Variants in CTNNA2 observed in about 807,000 individuals in gnomAD.
CTNNA2 encodes catenin alpha 2, also known as catenin alpha-2.
A neutral mutation model predicts 101.0 loss-of-function variants in CTNNA2; 42 were observed. The observed-to-expected ratio is 0.42, with a 90% CI of 0.32 to 0.54. CTNNA2 has a LOEUF of 0.54. Among genes scored for constraint, CTNNA2 ranks in the 20% least tolerant of loss-of-function variants. The probability of loss-of-function intolerance (pLI) is 0.14; values close to 1 mark genes in which losing one functional copy is unlikely to be tolerated. For synonymous variants in CTNNA2, 450 were observed against 456.4 expected, an observed-to-expected ratio of 0.99 and a Z score of 0.18; for missense variants, 871 against 1,223.1, an observed-to-expected ratio of 0.71 and a Z score of 4.29.
At chr2:79,463,534 G>A (rs1265975061) in intron 4 of CTNNA2, among the ~76,000 whole-genome samples, 1 of 152,102 alleles carries the variant, frequency 6.6e-6, no homozygotes. Context: ...AACTTCTGCT[G>A]GGAGGGCAGC....
chr2:79,890,500 A>G (rs1684226374), intron 6 of CTNNA2, among the ~76,000 whole-genome samples: 1 of 152,086 alleles, frequency 6.6e-6, no homozygotes, highest in South Asian at 2.1e-4. Flanking sequence ...CTATGAAAGG[A>G]CCAGGAAAAC....
chr2:79,966,593 C>T (rs1428016423), intron 7 of CTNNA2, among the ~76,000 whole-genome samples: 2 of 151,978 alleles, frequency 1.3e-5, no homozygotes, highest in Admixed American at 1.3e-4. Flanking sequence ...GGGGCAAGAG[C>T]ATACCTGTGA....
intron 7 of CTNNA2, among the ~76,000 whole-genome samples, chr2:79,923,151 T>C (rs1265280718): frequency 6.6e-6 from 1 of 151,920 alleles, no homozygotes; most frequent in Non-Finnish European, 1.5e-5. Flanking sequence ...TTGTCAGGAG[T>C]AGGTGTTAAT....
intron 7 of CTNNA2, among the ~76,000 whole-genome samples, chr2:80,008,316 G>A (rs1208479095): frequency 6.6e-6 from 1 of 152,188 alleles, no homozygotes; most frequent in Non-Finnish European, 1.5e-5. Context: ...CTCTTAAGGA[G>A]GATTTGGGAG....
chr2:79,358,605 C>T (rs1387071403), intron 3 of CTNNA2, among the ~76,000 whole-genome samples: 2 of 152,156 alleles, frequency 1.3e-5, no homozygotes, highest in Non-Finnish European at 2.9e-5. Context: ...AAAAGGAGGA[C>T]ATACCACATA....
intron 7 of CTNNA2, among the ~76,000 whole-genome samples, chr2:80,151,660 T>C (rs1052025935): frequency 2.0e-5 from 3 of 152,174 alleles, no homozygotes; most frequent in African/African-American, 7.2e-5. Flanking sequence ...TAAGCCCACA[T>C]AGCCGTGCCA....
intron 2 of CTNNA2, among the ~76,000 whole-genome samples, chr2:79,226,999 A>T (rs960050144): frequency 5.9e-5 from 9 of 152,304 alleles, no homozygotes; most frequent in Non-Finnish European, 8.8e-5. Context: ...TCCAAAAAAA[A>T]AAATCAAGCC....
chr2:80,375,440 T>C (rs1254501039), intron 7 of CTNNA2, among the ~76,000 whole-genome samples: 1 of 152,162 alleles, frequency 6.6e-6, no homozygotes, highest in Non-Finnish European at 1.5e-5. Context: ...GGCACCAGTC[T>C]GGCTTCTGTA....
intron 2 of CTNNA2, among the ~76,000 whole-genome samples, chr2:79,248,087 C>T (rs1003381989): frequency 1.1e-4 from 16 of 152,156 alleles, no homozygotes; most frequent in African/African-American, 3.9e-4. Flanking sequence ...TTTGTCAGAG[C>T]CTGTATTTAT....
intron 7 of CTNNA2, among the ~76,000 whole-genome samples, chr2:79,941,739 C>T (rs555686953): frequency 5.2e-4 from 79 of 152,246 alleles, no homozygotes; most frequent in Middle Eastern, 3.4e-3. Flanking sequence ...CTGTGTCAGC[C>T]TCCTAAGTAG....
intron 3 of CTNNA2, among the ~76,000 whole-genome samples, chr2:79,338,442 A>G (rs549467269): frequency 6.6e-6 from 1 of 152,184 alleles, no homozygotes; most frequent in South Asian, 2.1e-4. Flanking sequence ...AGGGAATGAA[A>G]AAGAGAACTA....
At chr2:80,107,738 C>T (rs1700979161) in intron 7 of CTNNA2, among the ~76,000 whole-genome samples, 1 of 152,242 alleles carries the variant, frequency 6.6e-6, no homozygotes, top group Non-Finnish European at 1.5e-5. Flanking sequence ...TAACACACTA[C>T]TGTCCATGGA....
intron 6 of CTNNA2, among the ~76,000 whole-genome samples, chr2:79,893,942 A>C (rs1030015265): frequency 6.6e-6 from 1 of 151,996 alleles, no homozygotes; most frequent in African/African-American, 2.4e-5. Flanking sequence ...GTATCTGAAA[A>C]ATTCTCTAAC....
At chr2:79,381,924 A>G (rs1395397472) in intron 4 of CTNNA2, among the ~76,000 whole-genome samples, 1 of 152,218 alleles carries the variant, frequency 6.6e-6, no homozygotes, top group Non-Finnish European at 1.5e-5. Flanking sequence ...TGACTGCGTG[A>G]TTGCTAATTT....
chr2:79,524,132 G>A (rs968394211), intron 1 of CTNNA2, among the ~76,000 whole-genome samples: 2 of 151,932 alleles, frequency 1.3e-5, no homozygotes, highest in Non-Finnish European at 2.9e-5. Context: ...AAACAACACT[G>A]TATTTTAGTT....
intron 16 of CTNNA2, among the ~76,000 whole-genome samples, chr2:80,606,317 A>C (rs1182073022): frequency 6.6e-6 from 1 of 151,232 alleles, no homozygotes; most frequent in Non-Finnish European, 1.5e-5. Flanking sequence ...ATTTTCAACT[A>C]TGCAACCTAA....
At position 79,954,320 on chromosome 2, in the gene CTNNA2, G is replaced by A. The variant is rs1166191904; in HGVS notation, c.1056+44523G>A. Among the ~76,000 whole-genome samples, 3 of 151,998 alleles carry A rather than the reference G, an allele frequency of 2.0e-5. No homozygotes were observed. The East Asian group carries it at 5.8e-4, about 29-fold the overall frequency. ...AGAGACAAACCATATCAAATACGTA[G>A]CAATTTATAATTGGTCCATAAAAGG... On this transcript the variant is annotated intron_variant, in intron 7 of 18. Coordinates refer to ENST00000402739, the MANE Select transcript of CTNNA2 (RefSeq NM_001282597.3).
chr2:80,364,811 T>A lies in CTNNA2; in HGVS notation c.1057-28400T>A, dbSNP rs577222387. Among the ~76,000 whole-genome samples, 7 of 152,268 alleles carry A rather than the reference T, an allele frequency of 4.6e-5. No homozygotes were observed. In the South Asian group the frequency reaches 1.4e-3, roughly 32 times the overall value. ...CCTCTGTGTCTTCTGCACAGATTTT[T>A]AGTCTATCAGCTTTTCCTTAAAGCA... On this transcript the variant is annotated intron_variant, in intron 7 of 18. Coordinates refer to ENST00000402739, the MANE Select transcript of CTNNA2 (RefSeq NM_001282597.3).
intron 7 of CTNNA2, among the ~76,000 whole-genome samples, chr2:79,965,404 T>A (rs1032699490): frequency 1.3e-5 from 2 of 152,226 alleles, no homozygotes; most frequent in Non-Finnish European, 2.9e-5. Flanking sequence ...TTCAAATGAA[T>A]TTTTTCTTGA....
Sources: allele counts gnomAD v4.1 joint callset (sites outside exome capture counted in the v4.1 genomes callset), GRCh38; gene constraint gnomAD v4.1.1; transcripts MANE v1.5; gene names NCBI Gene and HGNC (gene_info 2026-07-23, HGNC 2026-07-21).